GRID2: variants seen among roughly 807,000 people sequenced by gnomAD.
The protein encoded by GRID2 is glutamate receptor ionotropic, delta-2.
Under a neutral mutation model 114.8 loss-of-function variants are expected in GRID2, and 33 were observed. The observed-to-expected ratio is 0.29, with a 90% CI of 0.22 to 0.38. The LOEUF (loss-of-function observed/expected upper bound fraction) is 0.38, where lower values mean the gene tolerates loss of function less well. Ranked by LOEUF, GRID2 falls within the 10% of genes least tolerant of loss-of-function variation. GRID2 has a pLI of 1.00. For missense variants in GRID2, 1,184 were observed against 1,257.7 expected, an observed-to-expected ratio of 0.94 and a Z score of 0.89; for synonymous variants, 505 against 449.9, an observed-to-expected ratio of 1.12 and a Z score of -1.55.
chr4:93,340,244 T>C (rs34771597), intron 8 of GRID2, among the ~76,000 whole-genome samples: 28,850 of 148,634 alleles, frequency 0.19, 5,684 homozygotes, highest in African/African-American at 0.51. Context: ...TCCTCTCTTT[T>C]TTTTTTTTTT....
intron 13 of GRID2, among the ~76,000 whole-genome samples, chr4:93,533,132 AT>A (rs976892679): frequency 6.6e-6 from 1 of 151,768 alleles, no homozygotes; most frequent in Non-Finnish European, 1.5e-5. Context: ...CCCACCTTTT[AT>A]TTTTTTCTTT....
intron 8 of GRID2, among the ~76,000 whole-genome samples, chr4:93,301,452 A>G (rs1251007805): frequency 6.6e-6 from 1 of 152,214 alleles, no homozygotes; most frequent in African/African-American, 2.4e-5. Flanking sequence ...GAAGAACAAC[A>G]TATTATGAAT....
intron 2 of GRID2, among the ~76,000 whole-genome samples, chr4:92,947,811 T>C (rs1751751656): frequency 6.6e-6 from 1 of 151,952 alleles, no homozygotes; most frequent in South Asian, 2.1e-4. Context: ...ATCTGCATCA[T>C]ATATATCACA....
intron 2 of GRID2, among the ~76,000 whole-genome samples, chr4:92,993,729 G>A (rs1755043028): frequency 6.6e-6 from 1 of 152,124 alleles, no homozygotes; most frequent in African/African-American, 2.4e-5. Context: ...AGACTACAGA[G>A]CATTGAATTA....
chr4:92,775,971 T>C (rs977031774), intron 2 of GRID2, among the ~76,000 whole-genome samples: 2 of 152,166 alleles, frequency 1.3e-5, no homozygotes, highest in South Asian at 2.1e-4. Flanking sequence ...GCAGGTAGAT[T>C]GTCATACGGA....
intron 2 of GRID2, among the ~76,000 whole-genome samples, chr4:92,618,287 C>A (rs1268372749): frequency 6.6e-6 from 1 of 151,674 alleles, no homozygotes; most frequent in African/African-American, 2.4e-5. Context: ...AATGTATGTT[C>A]TGGATGCCTT....
chr4:92,309,236 T>A (rs189674464), intron 1 of GRID2, among the ~76,000 whole-genome samples: 281 of 152,134 alleles, frequency 1.8e-3, no homozygotes, highest in Non-Finnish European at 3.2e-3. Context: ...CAGGCTAATT[T>A]TATCATATGG....
rs1738542950 is a variant in GRID2 at position 93,169,101 on chromosome 4, GTTATA to G, written c.736-38298_736-38294del. Among the ~76,000 whole-genome samples, 6 of 147,128 alleles carry G rather than the reference GTTATA, an allele frequency of 4.1e-5. No individual in the cohort carries two copies. The South Asian group carries it at 1.4e-3, about 33-fold the overall frequency. On this transcript the variant is annotated intron_variant, in intron 4 of 15. Transcript: ENST00000282020. ...ACATGTATTCACTCCTTCCCTGAAA[GTTATA>G]TTATTCTTCCAAGTGGCTTTTTTCA... is the stretch of plus-strand genomic sequence containing the variant.
At chr4:92,659,213 G>T (rs776930287) in intron 2 of GRID2, among the ~76,000 whole-genome samples, 5 of 151,662 alleles carry the variant, frequency 3.3e-5, no homozygotes, top group Non-Finnish European at 5.9e-5. Context: ...ATGAGTGTTA[G>T]CACCTTCAAA....
intron 7 of GRID2, among the ~76,000 whole-genome samples, chr4:93,226,395 G>T (rs1745487128): frequency 6.6e-6 from 1 of 152,096 alleles, no homozygotes; most frequent in Non-Finnish European, 1.5e-5. Context: ...CCAAAACAGA[G>T]AAATAGGCAA....
At chr4:92,696,588 TAA>T (rs1014462713) in intron 2 of GRID2, among the ~76,000 whole-genome samples, 2 of 152,162 alleles carry the variant, frequency 1.3e-5, no homozygotes, top group Admixed American at 6.6e-5. Flanking sequence ...ATATTCATGC[TAA>T]AGTCACCCAA....
At chr4:93,185,896 TGA>T in intron 4 of GRID2, among the ~76,000 whole-genome samples, 1 of 149,290 alleles carries the variant, frequency 6.7e-6, no homozygotes, top group South Asian at 2.2e-4. Context: ...TCCCTCCCCC[TGA>T]CCCCCACCCC....
At chr4:93,807,467 C>T (rs1365826579) in exon 2 of GRID2, 1 of 152,152 alleles carries the variant, frequency 6.6e-6, no homozygotes, top group Non-Finnish European at 1.5e-5. Context: ...GGCTACTTTC[C>T]TCCACACCAA....
intron 14 of GRID2, among the ~76,000 whole-genome samples, chr4:93,753,980 G>A (rs552765239): frequency 4.6e-5 from 7 of 152,270 alleles, no homozygotes; most frequent in East Asian, 3.9e-4. Flanking sequence ...TATGAACATC[G>A]CAGAGTGTAC....
intron 2 of GRID2, among the ~76,000 whole-genome samples, chr4:92,939,881 T>A (rs763963401): frequency 6.8e-6 from 1 of 147,088 alleles, no homozygotes; most frequent in African/African-American, 2.4e-5. Flanking sequence ...GTTGTAGATA[T>A]GCAGCATTAT....
chr4:92,644,131 A>T (rs1175598603), intron 2 of GRID2, among the ~76,000 whole-genome samples: 2 of 151,770 alleles, frequency 1.3e-5, no homozygotes, highest in Non-Finnish European at 2.9e-5. Context: ...TGGCAGAATA[A>T]CCTGCAACAA....
At chr4:92,474,642 C>T (rs943064315) in intron 1 of GRID2, among the ~76,000 whole-genome samples, 1 of 151,982 alleles carries the variant, frequency 6.6e-6, no homozygotes, top group Non-Finnish European at 1.5e-5. Flanking sequence ...CAATACTGTA[C>T]AGTGGTTCCC....
chr4:93,350,611 G>A (rs537292725), intron 8 of GRID2, among the ~76,000 whole-genome samples: 1 of 152,032 alleles, frequency 6.6e-6, no homozygotes, highest in Non-Finnish European at 1.5e-5. Context: ...GCCTGTTTGA[G>A]TATCTTCTAG....
chr4:93,379,460 G>A (rs1219804438), intron 8 of GRID2, among the ~76,000 whole-genome samples: 12 of 151,964 alleles, frequency 7.9e-5, no homozygotes, highest in Non-Finnish European at 1.2e-4. Context: ...AAAGTCAAAC[G>A]TAGACTGGAG....
Sources: gnomAD v4.1 joint callset for allele counts (sites outside exome capture counted in the v4.1 genomes callset) on GRCh38, gnomAD v4.1.1 for gene constraint, MANE v1.5 for transcripts, NCBI Gene and HGNC (gene_info 2026-07-23, HGNC 2026-07-21) for gene names.